Variants in CD200R1L observed in about 807,000 individuals in gnomAD.
CD200R1L encodes cell surface glycoprotein CD200 receptor 2.
A neutral mutation model predicts 24.8 loss-of-function variants in CD200R1L; 14 were observed. That is an observed-to-expected ratio of 0.56 (90% CI 0.37 to 0.88). The LOEUF (loss-of-function observed/expected upper bound fraction) is 0.88. Ranked by LOEUF, CD200R1L falls within the 40% of genes least tolerant of loss-of-function variation. The pLI is 0.00. For synonymous variants in CD200R1L, 111 were observed against 109.2 expected (o/e 1.02, Z -0.11); for missense variants, 299 against 297.8 (o/e 1.00, Z -0.03).
chr3:112,825,925 T>G (rs1000856188), intron 6 of CD200R1L, among the ~76,000 whole-genome samples: 1 of 152,194 alleles, frequency 6.6e-6, no homozygotes, highest in Non-Finnish European at 1.5e-5. Flanking sequence ...GAGGCTAGAC[T>G]TGATGGGAGA....
intron 2 of CD200R1L, among the ~76,000 whole-genome samples, chr3:112,845,137 T>A (rs1043226084): frequency 6.6e-6 from 1 of 151,686 alleles, no homozygotes; most frequent in Non-Finnish European, 1.5e-5. Flanking sequence ...AATAGAGTAC[T>A]AGCTGGATTA....
At chr3:112,838,489 C>CAAAAAA (rs369499771) in intron 2 of CD200R1L, among the ~76,000 whole-genome samples, 1 of 136,980 alleles carries the variant, frequency 7.3e-6, no homozygotes, top group African/African-American at 2.8e-5. Flanking sequence ...AACAAACAAA[C>CAAAAAA]AAAAAAAAAC....
chr3:112,843,894 G>T (rs1350742859), intron 2 of CD200R1L, among the ~76,000 whole-genome samples: 1 of 151,790 alleles, frequency 6.6e-6, no homozygotes, highest in Non-Finnish European at 1.5e-5. Flanking sequence ...AAAGAGCAGG[G>T]GTCACTATTC....
chr3:112,828,310 T>C (rs573833475), intron 4 of CD200R1L, among the ~76,000 whole-genome samples: 1 of 152,282 alleles, frequency 6.6e-6, no homozygotes, highest in East Asian at 1.9e-4. Flanking sequence ...TAATTACATG[T>C]TTTGTTTAGA....
At chr3:112,820,005 G>A in intron 6 of CD200R1L, 110 bp from the exon 7 acceptor site, 1 of 972,536 alleles carries the variant, frequency 1.0e-6, no homozygotes, top group Non-Finnish European at 1.5e-6. Flanking sequence ...TTCATGGACT[G>A]TCATAATCAT....
At chr3:112,824,915 G>A (rs1938622225) in intron 6 of CD200R1L, among the ~76,000 whole-genome samples, 1 of 152,162 alleles carries the variant, frequency 6.6e-6, no homozygotes, top group South Asian at 2.1e-4. Context: ...AGAAAGTATA[G>A]GGAAAGAAGT....
chr3:112,820,711 A>G (rs569498741), intron 6 of CD200R1L, among the ~76,000 whole-genome samples: 2 of 151,428 alleles, frequency 1.3e-5, no homozygotes, highest in South Asian at 2.1e-4. Context: ...GATTACCGGC[A>G]TGAGCCACCA....
At chr3:112,819,676 T>C (rs2107328218) in intron 7 of CD200R1L, 96 bp downstream of exon 7, 1 of 1,313,416 alleles carries the variant, frequency 7.6e-7, no homozygotes, top group Non-Finnish European at 1.0e-6. Context: ...ACCAAAAAAG[T>C]GTCAAGCTTT....
intron 3 of CD200R1L, among the ~76,000 whole-genome samples, chr3:112,837,145 C>T (rs955386890): frequency 9.9e-5 from 15 of 152,086 alleles, no homozygotes; most frequent in Non-Finnish European, 1.5e-5. Flanking sequence ...TGGAAGTTTT[C>T]TAATTTAATA....
Position 112,819,891 on chromosome 3 carries a change from G to A in CD200R1L, c.621C>T (p.Leu207=). Residue 207 remains leucine, a synonymous_variant, in exon 7 of 8, where the codon CTC becomes CTT. Transcript: ENST00000488794. ...KSLSVKLNSG[L]RTSGSPALSL... ...ACAACGCTGGAGATCCTGAGGTTCT[G>A]AGACCTTTAAATACAGACAGGGGTG... 1.3e-6 allele frequency: 2 copies of A among 1,592,672 alleles called. No homozygotes were observed. The highest frequency in any genetic ancestry group is 1.7e-6 in the Non-Finnish European group (2 of 1,173,316).
At chr3:112,840,807 A>G (rs533934660) in intron 2 of CD200R1L, among the ~76,000 whole-genome samples, 1 of 152,354 alleles carries the variant, frequency 6.6e-6, no homozygotes, top group Admixed American at 6.5e-5. Flanking sequence ...GCTGGGTGTT[A>G]ATACATGAAC....
At chr3:112,844,354 A>G (rs532837712) in intron 2 of CD200R1L, among the ~76,000 whole-genome samples, 1 of 152,320 alleles carries the variant, frequency 6.6e-6, no homozygotes, top group South Asian at 2.1e-4. Flanking sequence ...ATACTCTCAC[A>G]CCACAGTGGA....
At chr3:112,833,384 G>A (rs1020247623) in intron 3 of CD200R1L, among the ~76,000 whole-genome samples, 1 of 152,218 alleles carries the variant, frequency 6.6e-6, no homozygotes, top group Non-Finnish European at 1.5e-5. Context: ...CAGTCACAGT[G>A]CAGGCCTAGG....
intron 3 of CD200R1L, among the ~76,000 whole-genome samples, chr3:112,834,212 G>A (rs1200432169): frequency 6.6e-6 from 1 of 151,224 alleles, no homozygotes; most frequent in African/African-American, 2.4e-5. Flanking sequence ...GTAGAAGTGG[G>A]GTAGTCTCAC....
intron 1 of CD200R1L, 133 bp from the exon 2 acceptor site, chr3:112,846,083 T>C (rs1939196954): frequency 5.3e-6 from 1 of 188,538 alleles, no homozygotes; most frequent in Non-Finnish European, 1.1e-5. Context: ...TATGGTAAAA[T>C]GAACAAATCT....
intron 7 of CD200R1L, among the ~76,000 whole-genome samples, chr3:112,818,235 A>G (rs1292189988): frequency 1.3e-5 from 2 of 152,222 alleles, no homozygotes; most frequent in Admixed American, 1.3e-4. Context: ...TCAAGTGAAT[A>G]TAGGATCTCA....
Position 112,815,814 on chromosome 3 carries a change from T to G in CD200R1L, c.*149A>C. ...ATGGTCATCAAGCCCAGGATCCTTC[T>G]TCCATCTTTCTTTTCTTCTATCCTA... On this transcript the variant is annotated 3_prime_UTR_variant, in exon 8 of 8. Coordinates refer to ENST00000488794, the MANE Select transcript of CD200R1L (RefSeq NM_001199215.3). 1.6e-6 allele frequency: 1 copy of G among 626,810 alleles called. No individual in the cohort carries two copies. Among genetic ancestry groups the G allele is most frequent in the South Asian group, 2.0e-5 (1 of 48,872 alleles). 38.8% of individuals were successfully genotyped at this position (626,810 alleles called of 1,614,324 possible). A position where few individuals can be genotyped will look rare whatever the true frequency, so the allele number is the denominator to read the frequency against.
chr3:112,827,746 G>A, intron 4 of CD200R1L, 62 bp from the exon 5 acceptor site: 3 of 1,450,950 alleles, frequency 2.1e-6, no homozygotes, highest in Non-Finnish European at 2.8e-6. Context: ...CATGTGTTAT[G>A]TTTATCCACA....
intron 3 of CD200R1L, among the ~76,000 whole-genome samples, chr3:112,837,241 G>C (rs543831181): frequency 1.8e-4 from 27 of 152,014 alleles, no homozygotes; most frequent in African/African-American, 6.3e-4. Flanking sequence ...CACATTTTGT[G>C]TATTTTTTTA....
Sources: allele counts gnomAD v4.1 joint callset (sites outside exome capture counted in the v4.1 genomes callset), GRCh38; gene constraint gnomAD v4.1.1; transcripts MANE v1.5; gene names NCBI Gene and HGNC (gene_info 2026-07-23, HGNC 2026-07-21).